SORCS1: variants seen among roughly 807,000 people sequenced by gnomAD.
SORCS1 encodes the protein VPS10 domain-containing receptor SorCS1.
SORCS1 carries 60 observed loss-of-function variants against 146.1 expected under a neutral mutation model. That is an observed-to-expected ratio of 0.41 (90% CI 0.33 to 0.51). The LOEUF is 0.51. Among genes scored for constraint, SORCS1 ranks in the 20% least tolerant of loss-of-function variants. SORCS1 has a pLI of 0.21. For missense variants in SORCS1, 1,352 were observed against 1,487.6 expected, an observed-to-expected ratio of 0.91 and a Z score of 1.50; for synonymous variants, 637 against 584.0, an observed-to-expected ratio of 1.09 and a Z score of -1.31.
chr10:106,780,967 G>A (rs1040128672), intron 3 of SORCS1, among the ~76,000 whole-genome samples: 2 of 143,844 alleles, frequency 1.4e-5, no homozygotes, highest in African/African-American at 2.6e-5. Flanking sequence ...TTTCAAATAC[G>A]TCACTTCTCC....
chr10:106,787,440 T>G (rs952234463), intron 3 of SORCS1, among the ~76,000 whole-genome samples: 10 of 152,292 alleles, frequency 6.6e-5, no homozygotes, highest in African/African-American at 2.4e-4. Context: ...CAGGCCCACA[T>G]AAAACCATCT....
intron 1 of SORCS1, among the ~76,000 whole-genome samples, chr10:107,048,379 C>T (rs1959722020): frequency 6.6e-6 from 1 of 152,034 alleles, no homozygotes; most frequent in Admixed American, 6.6e-5. Context: ...ACTTACTTTG[C>T]CTCATTTTTC....
intron 4 of SORCS1, among the ~76,000 whole-genome samples, chr10:106,770,480 C>CAAA (rs61310332): frequency 1.6e-5 from 2 of 126,206 alleles, no homozygotes; most frequent in Admixed American, 8.2e-5. Flanking sequence ...CAAAAAATCG[C>CAAA]AAAAAAAAAA....
chr10:106,851,906 C>T (rs1765076496), intron 2 of SORCS1, among the ~76,000 whole-genome samples: 1 of 152,060 alleles, frequency 6.6e-6, no homozygotes, highest in Non-Finnish European at 1.5e-5. Flanking sequence ...TCATACAGAT[C>T]TTGTGTGCGT....
At chr10:106,606,816 G>T (rs1178649479) in intron 23 of SORCS1, among the ~76,000 whole-genome samples, 2 of 152,096 alleles carry the variant, frequency 1.3e-5, no homozygotes, top group African/African-American at 4.8e-5. Flanking sequence ...AGATCTGATG[G>T]TTTTATATGG....
intron 1 of SORCS1, among the ~76,000 whole-genome samples, chr10:107,124,396 T>C (rs1185694272): frequency 6.6e-6 from 1 of 152,166 alleles, no homozygotes; most frequent in East Asian, 1.9e-4. Flanking sequence ...TAGAATTAGG[T>C]ATGTAATTAG....
At chr10:106,843,175 T>C (rs1304297038) in intron 2 of SORCS1, among the ~76,000 whole-genome samples, 1 of 152,170 alleles carries the variant, frequency 6.6e-6, no homozygotes, top group South Asian at 2.1e-4. Flanking sequence ...AGAGTTACTA[T>C]GTTGTAAATG....
At chr10:106,654,770 C>G (rs986302531) in intron 17 of SORCS1, among the ~76,000 whole-genome samples, 1 of 152,148 alleles carries the variant, frequency 6.6e-6, no homozygotes, top group Non-Finnish European at 1.5e-5. Context: ...AGGGGGTCAC[C>G]AAAACTCCGC....
chr10:107,126,054 T>C (rs1966695326), intron 1 of SORCS1, among the ~76,000 whole-genome samples: 1 of 152,204 alleles, frequency 6.6e-6, no homozygotes, highest in African/African-American at 2.4e-5. Context: ...TTAAGGTCAA[T>C]TTATCTCTGC....
intron 1 of SORCS1, among the ~76,000 whole-genome samples, chr10:106,961,376 C>T (rs1955214480): frequency 6.6e-6 from 1 of 152,142 alleles, no homozygotes; most frequent in African/African-American, 2.4e-5. Flanking sequence ...AGAACACCTT[C>T]CTGGTAATCT....
chr10:106,653,407 T>A (rs987696665), intron 17 of SORCS1, among the ~76,000 whole-genome samples: 1 of 152,208 alleles, frequency 6.6e-6, no homozygotes, highest in Non-Finnish European at 1.5e-5. Flanking sequence ...AGAGCCCAAA[T>A]AAGATGCAAT....
At chr10:106,649,080 C>T (rs143667942) in intron 18 of SORCS1, among the ~76,000 whole-genome samples, 238 of 152,216 alleles carry the variant, frequency 1.6e-3, no homozygotes, top group Non-Finnish European at 2.8e-3. Flanking sequence ...GAGCTACCTC[C>T]GCTCAATAAA....
intron 1 of SORCS1, among the ~76,000 whole-genome samples, chr10:107,025,960 G>A (rs574712962): frequency 1.1e-3 from 162 of 152,276 alleles, no homozygotes; most frequent in African/African-American, 3.2e-3. Context: ...AGCCTTGAGA[G>A]CTACATCAGC....
chr10:106,946,674 G>T (rs1036163908), intron 2 of SORCS1, among the ~76,000 whole-genome samples: 1 of 152,168 alleles, frequency 6.6e-6, no homozygotes, highest in African/African-American at 2.4e-5. Context: ...CACGGGAACA[G>T]ACTAATAATA....
chr10:107,010,566 G>A (rs979359515), intron 1 of SORCS1, among the ~76,000 whole-genome samples: 37 of 152,176 alleles, frequency 2.4e-4, no homozygotes, highest in African/African-American at 5.8e-4. Context: ...TTTCTCCACC[G>A]CTTTGTGACG....
chr10:106,713,372 C>A (rs2135874092), intron 6 of SORCS1, among the ~76,000 whole-genome samples: 1 of 152,340 alleles, frequency 6.6e-6, no homozygotes, highest in Admixed American at 6.5e-5. Context: ...TTAAGACTGA[C>A]ACCTAATGAG....
chr10:106,689,220 T>C (rs1853110377), intron 9 of SORCS1, among the ~76,000 whole-genome samples: 1 of 152,214 alleles, frequency 6.6e-6, no homozygotes, highest in Non-Finnish European at 1.5e-5. Flanking sequence ...TGTCAAACTA[T>C]TACAAAAGCA....
chr10:106,646,250 C>G (rs1051184856), intron 18 of SORCS1, among the ~76,000 whole-genome samples: 1 of 151,482 alleles, frequency 6.6e-6, no homozygotes, highest in Non-Finnish European at 1.5e-5. Flanking sequence ...TAGACTCCAT[C>G]TCAAAAAAAT....
chr10:106,581,501 A>G (rs1844910764), intron 24 of SORCS1, among the ~76,000 whole-genome samples: 1 of 152,206 alleles, frequency 6.6e-6, no homozygotes, highest in Non-Finnish European at 1.5e-5. Context: ...AGCAGTAGGA[A>G]TAATAAATCA....
Sources: gnomAD v4.1 joint callset for allele counts (sites outside exome capture counted in the v4.1 genomes callset) on GRCh38, gnomAD v4.1.1 for gene constraint, MANE v1.5 for transcripts, NCBI Gene and HGNC (gene_info 2026-07-23, HGNC 2026-07-21) for gene names.